SDHAF2: variants seen among roughly 807,000 people sequenced by gnomAD.
The protein encoded by SDHAF2 is succinate dehydrogenase assembly factor 2, mitochondrial.
A neutral mutation model predicts 18.5 loss-of-function variants in SDHAF2; 21 were observed. The ratio of observed to expected loss-of-function variants is 1.13; its 90% CI spans 0.80 to 1.63. The LOEUF (loss-of-function observed/expected upper bound fraction) is 1.63. SDHAF2 is among the 40% of genes most tolerant of loss of function. The pLI is 0.00. For missense variants in SDHAF2, 195 were observed against 200.3 expected (o/e 0.97, Z 0.16); for synonymous variants, 84 against 70.7 (o/e 1.19, Z -0.94).
In SDHAF2 at chr11:61,434,130, A is replaced by T. The variant is rs1392242900; in HGVS notation, c.37-3495A>T. ...GGGTTCATGTTAATTGAGATCTGTT[A>T]GGCTTGAATCTGGATGTCCACTTCT... On this transcript the variant is annotated intron_variant, in intron 1 of 3. Transcript: ENST00000301761. The T allele has an allele frequency of 3.3e-5, 5 of 152,192 alleles. No homozygotes were observed. The East Asian group carries it at 9.6e-4, about 29-fold the overall frequency. The allele number at this position is 152,192 out of a possible 1,614,324, so 9.4% of individuals were successfully genotyped here. A position where few individuals can be genotyped will look rare whatever the true frequency, so the allele number is the denominator to read the frequency against.
intron 3 of SDHAF2, among the ~76,000 whole-genome samples, chr11:61,439,638 A>AAT (rs1179586108): frequency 6.6e-6 from 1 of 152,240 alleles, no homozygotes; most frequent in African/African-American, 2.4e-5. Context: ...GAGTGATAAG[A>AAT]CAGAGTCTGG....
chr11:61,441,373 A>C (rs527999310), intron 3 of SDHAF2, among the ~76,000 whole-genome samples: 1 of 151,938 alleles, frequency 6.6e-6, no homozygotes, highest in Non-Finnish European at 1.5e-5. Flanking sequence ...TCTACTAAAA[A>C]TACTGGGCGT....
chr11:61,443,672 C>T (rs1862097609), intron 3 of SDHAF2, among the ~76,000 whole-genome samples: 1 of 152,162 alleles, frequency 6.6e-6, no homozygotes, highest in Non-Finnish European at 1.5e-5. Flanking sequence ...AGTGCAGTGG[C>T]ACCCTCTCGG....
At chr11:61,436,996 T>A (rs1366449784) in intron 1 of SDHAF2, 1 of 1,177,956 alleles carries the variant, frequency 8.5e-7, no homozygotes, top group Non-Finnish European at 1.1e-6. Context: ...CTGTAAGAAT[T>A]TTAAGGGAGT....
Position 61,438,092 on chromosome 11 carries a change from G to T in SDHAF2, c.349G>T (p.Asp117Tyr). Residue 117 changes from aspartate (D) to tyrosine (Y), a missense_variant, in exon 3 of 4, where the codon GAT becomes TAT. Transcript: ENST00000301761. ...GATTAACGAGCCTAGTAATGACTGG[G>T]ATATTTACTACTGGGCCACAGGTAC... ...RLINEPSNDW[D>Y]IYYWATEAKP... The T allele has an allele frequency of 6.2e-7, 1 of 1,613,262 alleles. No homozygotes were observed. Among genetic ancestry groups the T allele is most frequent in the Non-Finnish European group, 8.5e-7 (1 of 1,179,310 alleles).
chr11:61,430,307 A>G lies in SDHAF2; in HGVS notation c.36+125A>G. 3 of 1,214,456 alleles carry G rather than the reference A, an allele frequency of 2.5e-6. No homozygotes were observed. In the South Asian group the frequency reaches 3.7e-5, roughly 15 times the overall value. The allele number at this position is 1,214,456 out of a possible 1,614,324, so 75.2% of individuals were successfully genotyped here. A position where few individuals can be genotyped will look rare whatever the true frequency, so the allele number is the denominator to read the frequency against. The stretch of plus-strand genomic sequence containing the variant: ...GATAGCGCAGGGCAAGGGCAGGCCC[A>G]GGGAGAGGCCGATCCTGCAACTCAG... On this transcript the variant is annotated intron_variant, in intron 1 of 3. Coordinates refer to ENST00000301761, the MANE Select transcript of SDHAF2 (RefSeq NM_017841.4).
intron 1 of SDHAF2, chr11:61,436,767 G>C (rs1466934246): frequency 7.3e-6 from 5 of 685,524 alleles, no homozygotes; most frequent in Non-Finnish European, 9.1e-6. Context: ...ACAGGGAATT[G>C]GTTTGTTTGT....
chr11:61,430,912 CG>C (rs1225408497), intron 1 of SDHAF2: 1 of 151,130 alleles, frequency 6.6e-6, no homozygotes, highest in Non-Finnish European at 1.5e-5. Flanking sequence ...TTGATGTAGG[CG>C]TTTACACTAT....
At chr11:61,441,130 A>C (rs1311058379) in intron 3 of SDHAF2, among the ~76,000 whole-genome samples, 1 of 152,002 alleles carries the variant, frequency 6.6e-6, no homozygotes, top group African/African-American at 2.4e-5. Context: ...GACTGCAATG[A>C]CCTATGATCA....
intron 1 of SDHAF2, chr11:61,434,610 T>C (rs1394254327): frequency 1.3e-5 from 2 of 150,272 alleles, no homozygotes; most frequent in East Asian, 1.9e-4. Context: ...TTTTTTTTTT[T>C]AGAAAAAACC....
intron 3 of SDHAF2, among the ~76,000 whole-genome samples, chr11:61,440,592 C>T (rs1331627373): frequency 6.6e-6 from 1 of 152,092 alleles, no homozygotes; most frequent in Non-Finnish European, 1.5e-5. Flanking sequence ...CAGAATGAGA[C>T]TCTGTCTCAA....
chr11:61,437,270 G>A (rs111850255), intron 1 of SDHAF2, among the ~76,000 whole-genome samples: 20 of 152,162 alleles, frequency 1.3e-4, no homozygotes, highest in African/African-American at 2.9e-4. Context: ...TCACTGCAGC[G>A]TTGACCTTCC....
intron 1 of SDHAF2, among the ~76,000 whole-genome samples, chr11:61,436,538 C>G (rs1861995766): frequency 2.0e-5 from 3 of 152,200 alleles, no homozygotes; most frequent in Admixed American, 2.0e-4. Flanking sequence ...AAACAGAAAC[C>G]TGATCCCCCC....
intron 1 of SDHAF2, chr11:61,432,858 C>T (rs960451889): frequency 6.6e-6 from 1 of 151,862 alleles, no homozygotes; most frequent in African/African-American, 2.4e-5. Context: ...CTTTTATGAC[C>T]CCCTTGTATG....
intron 3 of SDHAF2, 180 bp downstream of exon 3, chr11:61,438,293 A>C: frequency 1.6e-6 from 1 of 642,794 alleles, no homozygotes; most frequent in South Asian, 1.8e-5. Flanking sequence ...TCTACCTTCC[A>C]GGTTCAAGCG....
intron 1 of SDHAF2, chr11:61,432,333 ACT>A (rs1362725270): frequency 6.6e-6 from 1 of 152,152 alleles, no homozygotes; most frequent in Non-Finnish European, 1.5e-5. Flanking sequence ...TGGATATCAA[ACT>A]CTGCAGAAGC....
chr11:61,435,298 T>C (rs1268824747), intron 1 of SDHAF2: 1 of 152,200 alleles, frequency 6.6e-6, no homozygotes, highest in Non-Finnish European at 1.5e-5. Context: ...TCAAGCTCAA[T>C]GTTCAAGTTC....
chr11:61,442,386 C>T (rs567314547), intron 3 of SDHAF2, among the ~76,000 whole-genome samples: 66 of 152,278 alleles, frequency 4.3e-4, no homozygotes, highest in African/African-American at 1.5e-3. Context: ...ATATTCCCTC[C>T]GGTGTTACCA....
chr11:61,443,523 G>C (rs1862095485), intron 3 of SDHAF2, among the ~76,000 whole-genome samples: 1 of 152,186 alleles, frequency 6.6e-6, no homozygotes, highest in Admixed American at 6.5e-5. Context: ...CTACTTTACT[G>C]TTAGTGTGGG....
Sources: gnomAD v4.1 joint callset for allele counts (sites outside exome capture counted in the v4.1 genomes callset) on GRCh38, gnomAD v4.1.1 for gene constraint, MANE v1.5 for transcripts, NCBI Gene and HGNC (gene_info 2026-07-23, HGNC 2026-07-21) for gene names.